MDN1: variants seen among roughly 807,000 people sequenced by gnomAD.
MDN1 encodes the protein midasin.
In MDN1, 266 loss-of-function variants were observed where a neutral mutation model predicts 669.2. That is an observed-to-expected ratio of 0.40 (90% CI 0.36 to 0.44). The LOEUF is 0.44. Ranked by LOEUF, MDN1 falls within the 20% of genes least tolerant of loss-of-function variation. The pLI is 1.00. For synonymous variants in MDN1, 2,385 were observed against 2,457.1 expected (o/e 0.97, Z 0.87); for missense variants, 5,940 against 6,754.0 (o/e 0.88, Z 4.22).
intron 19 of MDN1, among the ~76,000 whole-genome samples, chr6:89,757,637 T>C (rs1175231761): frequency 3.3e-5 from 5 of 152,136 alleles, no homozygotes; most frequent in African/African-American, 1.2e-4. Context: ...AAAGAGAATC[T>C]AAAAACGAAG....
chr6:89,752,891 G>A (rs762960948), intron 22 of MDN1, among the ~76,000 whole-genome samples: 21 of 152,194 alleles, frequency 1.4e-4, no homozygotes, highest in Middle Eastern at 6.8e-3. Context: ...TTGGGAGGCC[G>A]AGGTGGACGG....
chr6:89,712,428 C>A (rs1486152363), intron 48 of MDN1, 147 bp downstream of exon 48: 5 of 947,564 alleles, frequency 5.3e-6, no homozygotes, highest in Non-Finnish European at 8.1e-6. Flanking sequence ...CAATAGGGAG[C>A]AATATCACAA....
chr6:89,789,271 C>T (rs140700951), intron 7 of MDN1, among the ~76,000 whole-genome samples: 229 of 152,292 alleles, frequency 1.5e-3, no homozygotes, highest in African/African-American at 5.3e-3. Context: ...TTCTTACACA[C>T]AGAAGTGGTC....
intron 19 of MDN1, 127 bp downstream of exon 19, chr6:89,758,128 G>C (rs539798764): frequency 3.0e-6 from 2 of 670,612 alleles, no homozygotes; most frequent in Non-Finnish European, 5.2e-6. Context: ...GTGGGAGGTG[G>C]GAGGTGGGAG....
chr6:89,782,907 A>G (rs1279553933), intron 9 of MDN1, among the ~76,000 whole-genome samples: 1 of 152,170 alleles, frequency 6.6e-6, no homozygotes, highest in Non-Finnish European at 1.5e-5. Context: ...TCAGTTCCCA[A>G]ATAATACTTT....
rs60588845 is a variant in MDN1, at chr6:89,745,134, TAAAAAAAAAAAA to T, written c.4178+127_4178+138del. 1.2e-4 allele frequency: 34 copies of T among 283,000 alleles called. No individual in the cohort carries two copies. In the East Asian group the frequency reaches 3.9e-3, roughly 32 times the overall value. The allele number at this position is 283,000 out of a possible 1,614,324, so 17.5% of individuals were successfully genotyped here. ...CCCCGACCCACTCTTAGTCTCTTCTTAAAAAAAAAAAAAAAAAAGAAAAAAGAGGAAGGAGGA... is the reference window on the plus strand; with the variant it reads ...CCCCGACCCACTCTTAGTCTCTTCTTAAAAAAGAAAAAAGAGGAAGGAGGA... On this transcript the variant is annotated intron_variant, in intron 29 of 101. Transcript: ENST00000369393.
rs146850991 is a variant in MDN1, at chr6:89,660,874, C to G, written c.14713+557G>C. On this transcript the variant is annotated intron_variant, in intron 88 of 101. Transcript: ENST00000369393. ...ATGGGGCCCTCTGTTACAGGGGCACCTCCAACACAATGCTTTCAACTAATA... is the reference window on the plus strand; with the variant it reads ...ATGGGGCCCTCTGTTACAGGGGCACGTCCAACACAATGCTTTCAACTAATA... 9.8e-5 allele frequency among the ~76,000 whole-genome samples: 15 copies of G among 152,304 alleles called. No individual in the cohort carries two copies. In the East Asian group the frequency reaches 2.7e-3, roughly 27 times the overall value.
At chr6:89,725,433 A>G (rs746342274) in intron 37 of MDN1, 37 bp from the exon 38 acceptor site, 4 of 1,534,918 alleles carry the variant, frequency 2.6e-6, no homozygotes, top group Non-Finnish European at 3.6e-6. Flanking sequence ...TGTCTCAAAT[A>G]TATTATACAA....
intron 53 of MDN1, among the ~76,000 whole-genome samples, chr6:89,704,149 C>T (rs182608433): frequency 2.3e-4 from 35 of 151,644 alleles, no homozygotes; most frequent in African/African-American, 8.2e-4. Flanking sequence ...CGGAGGTTGA[C>T]GCAGGTGGAT....
At chr6:89,756,537 ATAAT>A (rs1817255442) in intron 19 of MDN1, 147 bp from the exon 20 acceptor site, 2 of 517,026 alleles carry the variant, frequency 3.9e-6, no homozygotes, top group East Asian at 6.4e-5. Context: ...GAAACTTAGC[ATAAT>A]TAAAGGATAA....
chr6:89,700,226 G>A lies in MDN1; in HGVS notation c.8707C>T (p.Leu2903=). 1 of 1,614,202 alleles carries A rather than the reference G, an allele frequency of 6.2e-7. No individual in the cohort carries two copies. Among genetic ancestry groups the A allele is most frequent in the Middle Eastern group, 1.6e-4 (1 of 6,062 alleles). Reference sequence around the variant, plus strand: ...GAAGCTTCATCATGCTTTTTCTCCAGAAAACCAAGTGAGAGTCCTTTGGCT... The same window carrying A: ...GAAGCTTCATCATGCTTTTTCTCCAAAAAACCAAGTGAGAGTCCTTTGGCT... The part of the protein sequence containing the change: ...LKAKGLSLGF[L]EKKHDEASSL... The change falls in exon 57 of 102, where the codon CTG becomes TTG. Residue 2903 remains leucine (L), a synonymous_variant. Transcript: ENST00000369393.
At chr6:89,796,735 A>G (rs1450291881) in intron 2 of MDN1, among the ~76,000 whole-genome samples, 2 of 152,174 alleles carry the variant, frequency 1.3e-5, no homozygotes, top group Non-Finnish European at 2.9e-5. Flanking sequence ...TAAGTATTAA[A>G]AAATAATTAG....
rs2128303817 is a variant in MDN1 at position 89,670,976 on chromosome 6, A to C, written c.13899T>G (p.Arg4633=). ...GCACAGAGAGCAGCTTTGCAGTACTACGGTGAGTTGCTAAAGACATGGTCA... is the reference window on the plus strand; with the variant it reads ...GCACAGAGAGCAGCTTTGCAGTACTCCGGTGAGTTGCTAAAGACATGGTCA... ...FFLTMSLATH[R]STAKLLSVLA... The change falls in exon 83 of 102, where the codon CGT becomes CGG. Residue 4633 remains arginine, a synonymous_variant. Transcript: ENST00000369393. The C allele has an allele frequency of 6.2e-7, 1 of 1,614,186 alleles. No individual in the cohort carries two copies. Among genetic ancestry groups the C allele is most frequent in the East Asian group, 2.2e-5 (1 of 44,882 alleles).
chr6:89,647,597 T>C (rs547132652), intron 99 of MDN1, among the ~76,000 whole-genome samples: 5 of 152,274 alleles, frequency 3.3e-5, no homozygotes, highest in African/African-American at 1.2e-4. Context: ...TAATGGATGC[T>C]AAGGAAGCTT....
intron 79 of MDN1, 124 bp from the exon 80 acceptor site, chr6:89,673,586 AAC>A: frequency 1.3e-6 from 1 of 787,998 alleles, no homozygotes; most frequent in Non-Finnish European, 2.1e-6. Flanking sequence ...TTTACGGCTA[AAC>A]ACATGCCACA....
rs923995846 is a variant in MDN1, at chr6:89,716,558, T to G, written c.6743+92A>C. The stretch of plus-strand genomic sequence containing the variant: ...TTGCGTAATTAAGAAAAACAGTAGC[T>G]TCAAAATACCAGCACTTCTATCTGG... On this transcript the variant is annotated intron_variant, in intron 44 of 101. Transcript: ENST00000369393. 4.9e-6 allele frequency: 7 copies of G among 1,420,058 alleles called. No individual in the cohort carries two copies. The Admixed American group carries it at 9.6e-5, about 19-fold the overall frequency. 88.0% of individuals were successfully genotyped at this position (1,420,058 alleles called of 1,614,324 possible).
chr6:89,687,530 A>G (rs1283458838), intron 67 of MDN1, 92 bp from the exon 68 acceptor site: 4 of 1,059,942 alleles, frequency 3.8e-6, no homozygotes, highest in Non-Finnish European at 5.7e-6. Flanking sequence ...GCTTGAGTGA[A>G]GACTACTGGG....
intron 87 of MDN1, 147 bp downstream of exon 87, chr6:89,661,940 G>C (rs1809797866): frequency 1.1e-6 from 1 of 927,818 alleles, no homozygotes. Flanking sequence ...GTCCTGTTAA[G>C]AGCCTCTGTT....
At position 89,644,141 on chromosome 6, in the gene MDN1, G is replaced by C. The variant is rs1250794638; in HGVS notation, c.16655C>G (p.Pro5552Arg). Residue 5552 changes from proline (P) to arginine (R), a missense_variant, in exon 102 of 102, where the codon CCT becomes CGT. Pro to Arg is a moderately radical substitution (Grantham distance 103). Around this residue, in one of 5 missense-constraint regions of MDN1, gnomAD observed 2,280 missense variants for 2,576.3 expected, o/e 0.88. Transcript: ENST00000369393. ...CTCTTCCATGTAGGATCGGATTTCA[G>C]GCATCTCTCCAGGTCCTTTAAATAT... is the stretch of plus-strand genomic sequence containing the variant. Reference protein sequence around the residue: ...VPIFKGPGEMPEIRSYMEEFP... With the variant: ...VPIFKGPGEMREIRSYMEEFP... 5 of 1,614,092 alleles carry C rather than the reference G, an allele frequency of 3.1e-6. No individual in the cohort carries two copies. The African/African-American group carries it at 5.3e-5, about 17-fold the overall frequency.
Sources: gnomAD v4.1 joint callset for allele counts (sites outside exome capture counted in the v4.1 genomes callset) on GRCh38, gnomAD v4.1.1 for gene constraint, gnomAD v4.1.1 regional missense constraint, MANE v1.5 for transcripts, NCBI Gene and HGNC (gene_info 2026-07-23, HGNC 2026-07-21) for gene names.